Variants in GSK3B observed in about 807,000 individuals in gnomAD.
The protein encoded by GSK3B is glycogen synthase kinase-3 beta.
In GSK3B, 15 loss-of-function variants were observed where a neutral mutation model predicts 56.4. The observed-to-expected ratio is 0.27, with a 90% CI of 0.18 to 0.41. The LOEUF (loss-of-function observed/expected upper bound fraction) is 0.41. GSK3B is among the 10% of genes least tolerant of loss of function. The probability of loss-of-function intolerance (pLI) is 1.00; values close to 1 mark genes in which losing one functional copy is unlikely to be tolerated. For missense variants in GSK3B, 300 were observed against 513.4 expected, an observed-to-expected ratio of 0.58 and a Z score of 4.02; for synonymous variants, 181 against 188.9, an observed-to-expected ratio of 0.96 and a Z score of 0.34.
intron 10 of GSK3B, among the ~76,000 whole-genome samples, chr3:119,837,609 C>T (rs1283212350): frequency 6.6e-6 from 1 of 152,002 alleles, no homozygotes; most frequent in Non-Finnish European, 1.5e-5. Flanking sequence ...TTTTTAACAG[C>T]AGAACCATTG....
At chr3:119,999,978 A>T (rs895340617) in intron 2 of GSK3B, among the ~76,000 whole-genome samples, 2 of 152,236 alleles carry the variant, frequency 1.3e-5, no homozygotes, top group Non-Finnish European at 2.9e-5. Context: ...AACATGACCA[A>T]TGAGAACTCT....
intron 10 of GSK3B, among the ~76,000 whole-genome samples, chr3:119,834,820 G>A (rs1197121796): frequency 1.3e-5 from 2 of 152,168 alleles, no homozygotes; most frequent in African/African-American, 4.8e-5. Context: ...GAAAAACCGA[G>A]ATAAAATTTT....
At chr3:119,944,231 T>C (rs2057077411) in intron 3 of GSK3B, among the ~76,000 whole-genome samples, 1 of 152,082 alleles carries the variant, frequency 6.6e-6, no homozygotes, top group Non-Finnish European at 1.5e-5. Context: ...ATCACTGATC[T>C]CCCTCCCATA....
chr3:120,059,860 A>G (rs1363540865), intron 1 of GSK3B, among the ~76,000 whole-genome samples: 1 of 152,226 alleles, frequency 6.6e-6, no homozygotes, highest in African/African-American at 2.4e-5. Flanking sequence ...ATACTACAAA[A>G]CAGCTATAGA....
intron 1 of GSK3B, among the ~76,000 whole-genome samples, chr3:120,044,118 C>G (rs1404420349): frequency 1.3e-5 from 2 of 152,206 alleles, no homozygotes; most frequent in Non-Finnish European, 2.9e-5. Flanking sequence ...CATGGTAACT[C>G]TCTTCCAGGA....
intron 10 of GSK3B, among the ~76,000 whole-genome samples, chr3:119,831,226 C>T (rs974178863): frequency 1.5e-4 from 23 of 152,078 alleles, no homozygotes; most frequent in African/African-American, 5.1e-4. Context: ...ATCTTATGGG[C>T]AGTAGGTGGC....
chr3:120,038,915 T>C (rs560312561), intron 1 of GSK3B, among the ~76,000 whole-genome samples: 7 of 151,432 alleles, frequency 4.6e-5, no homozygotes, highest in African/African-American at 1.7e-4. Flanking sequence ...AGACAAGACA[T>C]AGACTGGGAG....
intron 7 of GSK3B, among the ~76,000 whole-genome samples, chr3:119,878,354 C>A (rs1305124504): frequency 6.6e-6 from 1 of 151,966 alleles, no homozygotes; most frequent in Non-Finnish European, 1.5e-5. Context: ...GGCAAATAAG[C>A]ACAAGAAAAG....
chr3:119,986,832 G>C (rs1179115287), intron 2 of GSK3B, among the ~76,000 whole-genome samples: 1 of 152,022 alleles, frequency 6.6e-6, no homozygotes, highest in Non-Finnish European at 1.5e-5. Flanking sequence ...CCCATTACTG[G>C]GTATATACCC....
chr3:119,836,902 G>T (rs1300820473), intron 10 of GSK3B, among the ~76,000 whole-genome samples: 5 of 152,104 alleles, frequency 3.3e-5, no homozygotes, highest in Admixed American at 3.3e-4. Context: ...CTTGGATGGA[G>T]GTAAAAAACT....
intron 8 of GSK3B, among the ~76,000 whole-genome samples, chr3:119,871,359 C>T (rs1040338149): frequency 1.3e-5 from 2 of 152,100 alleles, no homozygotes; most frequent in African/African-American, 4.8e-5. Context: ...GGGAGACTTA[C>T]CAAATGACCT....
rs551443678 is a variant in GSK3B, at chr3:120,015,416, C to T, written c.89-13177G>A. Among the ~76,000 whole-genome samples the T allele has an allele frequency of 5.7e-4, 87 of 151,666 alleles. No individual in the cohort carries two copies. In the Middle Eastern group the frequency reaches 0.01, roughly 18 times the overall value. ...CTGTAATCCCAGCACTCTGGGAGGCCGAGGCGGGTGGATCATGAGGTCAGG... is the reference window on the plus strand; with the variant it reads ...CTGTAATCCCAGCACTCTGGGAGGCTGAGGCGGGTGGATCATGAGGTCAGG... On this transcript the variant is annotated intron_variant, in intron 1 of 10. Coordinates refer to ENST00000264235, the MANE Select transcript of GSK3B (RefSeq NM_001146156.2).
At chr3:119,966,465 T>C (rs974362587) in intron 2 of GSK3B, among the ~76,000 whole-genome samples, 1 of 152,148 alleles carries the variant, frequency 6.6e-6, no homozygotes, top group Non-Finnish European at 1.5e-5. Flanking sequence ...TAAAATGACT[T>C]CTCCAATTTC....
intron 1 of GSK3B, among the ~76,000 whole-genome samples, chr3:120,049,728 T>C (rs369679624): frequency 7.2e-5 from 11 of 152,120 alleles, no homozygotes; most frequent in Admixed American, 3.3e-4. Context: ...GACAGAAGAA[T>C]AGACAAGGCT....
intron 2 of GSK3B, among the ~76,000 whole-genome samples, chr3:119,972,763 T>C (rs1449858382): frequency 1.3e-5 from 2 of 152,190 alleles, no homozygotes; most frequent in Non-Finnish European, 2.9e-5. Context: ...TTCTGTGATA[T>C]GGATTTTTTA....
At chr3:120,001,254 G>A (rs964191225) in intron 2 of GSK3B, among the ~76,000 whole-genome samples, 2 of 151,984 alleles carry the variant, frequency 1.3e-5, no homozygotes, top group East Asian at 1.9e-4. Flanking sequence ...GTCTGGGGAC[G>A]GGCATGGTGG....
chr3:119,854,718 T>C (rs903324293), intron 9 of GSK3B, among the ~76,000 whole-genome samples: 11 of 152,252 alleles, frequency 7.2e-5, no homozygotes, highest in African/African-American at 2.7e-4. Context: ...GAAGTGTTCA[T>C]AGTATTCTCT....
chr3:119,956,706 C>G (rs529956368), intron 2 of GSK3B, among the ~76,000 whole-genome samples: 1 of 152,030 alleles, frequency 6.6e-6, no homozygotes, highest in Non-Finnish European at 1.5e-5. Context: ...AGTGGAGTAA[C>G]GTAAGCCTTA....
chr3:119,977,337 CTAT>C (rs2057417644), intron 2 of GSK3B, among the ~76,000 whole-genome samples: 1 of 152,126 alleles, frequency 6.6e-6, no homozygotes, highest in African/African-American at 2.4e-5. Context: ...AACTGCTGAC[CTAT>C]CAAATCCATT....
Sources: allele counts gnomAD v4.1 joint callset (sites outside exome capture counted in the v4.1 genomes callset), GRCh38; gene constraint gnomAD v4.1.1; transcripts MANE v1.5; gene names NCBI Gene and HGNC (gene_info 2026-07-23, HGNC 2026-07-21).